Variants in XYLT1 observed in about 807,000 individuals in gnomAD.
XYLT1 encodes the protein beta-D-xylosyltransferase 1.
In XYLT1, 36 loss-of-function variants were observed where a neutral mutation model predicts 91.3. The observed-to-expected ratio is 0.39, with a 90% CI of 0.30 to 0.52. The LOEUF is 0.52. Among genes scored for constraint, XYLT1 ranks in the 20% least tolerant of loss-of-function variants. The pLI, the probability that XYLT1 is intolerant of heterozygous loss-of-function variation, is 0.68. For missense variants in XYLT1, 1,242 were observed against 1,284.5 expected, an observed-to-expected ratio of 0.97 and a Z score of 0.51; for synonymous variants, 588 against 532.0, an observed-to-expected ratio of 1.11 and a Z score of -1.45.
At chr16:17,469,876 C>G (rs1256445945) in intron 1 of XYLT1, among the ~76,000 whole-genome samples, 3 of 152,182 alleles carry the variant, frequency 2.0e-5, no homozygotes, top group East Asian at 3.9e-4. Context: ...AACAGAAGAC[C>G]CAAAGTAAGA....
chr16:17,351,346 C>G (rs7498909), intron 2 of XYLT1, among the ~76,000 whole-genome samples: 2 of 152,168 alleles, frequency 1.3e-5, no homozygotes, highest in South Asian at 2.1e-4. Flanking sequence ...AACTCCATTT[C>G]TACTAAAAAT....
chr16:17,420,686 G>T (rs1038478092), intron 1 of XYLT1, among the ~76,000 whole-genome samples: 11 of 108,006 alleles, frequency 1.0e-4, no homozygotes, highest in African/African-American at 1.9e-4. Flanking sequence ...TAATTATTCA[G>T]ATTTTTTTTT....
At chr16:17,324,997 T>C (rs2034777307) in intron 2 of XYLT1, among the ~76,000 whole-genome samples, 1 of 151,766 alleles carries the variant, frequency 6.6e-6, no homozygotes, top group South Asian at 2.1e-4. Flanking sequence ...TGGATGTTAT[T>C]TATTTATAAG....
intron 1 of XYLT1, among the ~76,000 whole-genome samples, chr16:17,428,563 CATA>C (rs1567199623): frequency 6.6e-6 from 1 of 152,176 alleles, no homozygotes; most frequent in East Asian, 1.9e-4. Flanking sequence ...TATTTACAGT[CATA>C]ATGATGATCA....
intron 9 of XYLT1, among the ~76,000 whole-genome samples, chr16:17,128,214 G>A (rs1189712837): frequency 1.3e-5 from 2 of 152,068 alleles, no homozygotes; most frequent in African/African-American, 2.4e-5. Flanking sequence ...ATTTCCCTTC[G>A]GCCTTATTTC....
At chr16:17,206,183 T>C (rs1293317922) in intron 3 of XYLT1, among the ~76,000 whole-genome samples, 2 of 152,110 alleles carry the variant, frequency 1.3e-5, no homozygotes, top group Non-Finnish European at 2.9e-5. Context: ...TGATTCATGA[T>C]CACAGATGAG....
chr16:17,327,361 C>CTT (rs138879762), intron 2 of XYLT1, among the ~76,000 whole-genome samples: 14 of 108,078 alleles, frequency 1.3e-4, no homozygotes, highest in South Asian at 5.7e-4. Flanking sequence ...TTTCTTTTTT[C>CTT]TTTTTTTTTT....
intron 1 of XYLT1, among the ~76,000 whole-genome samples, chr16:17,369,214 C>G (rs915164726): frequency 6.6e-6 from 1 of 150,714 alleles, no homozygotes; most frequent in Non-Finnish European, 1.5e-5. Context: ...ACTGCAACCT[C>G]CACCTCCCGG....
At chr16:17,161,068 G>A (rs901599457) in intron 5 of XYLT1, among the ~76,000 whole-genome samples, 5 of 152,148 alleles carry the variant, frequency 3.3e-5, no homozygotes, top group African/African-American at 1.2e-4. Flanking sequence ...GAAGGGGCCG[G>A]GCCGGGGCTC....
chr16:17,188,036 C>T (rs551128930), intron 5 of XYLT1, among the ~76,000 whole-genome samples: 1 of 152,120 alleles, frequency 6.6e-6, no homozygotes, highest in South Asian at 2.1e-4. Context: ...GTCCTGGTCC[C>T]CAAACAGAAG....
intron 2 of XYLT1, among the ~76,000 whole-genome samples, chr16:17,303,484 AT>A (rs1291444411): frequency 5.3e-5 from 8 of 152,362 alleles, no homozygotes; most frequent in African/African-American, 7.2e-5. Flanking sequence ...TTGTGAGCAT[AT>A]AAAAATGTTT....
intron 2 of XYLT1, among the ~76,000 whole-genome samples, chr16:17,351,749 T>TGAG (rs1555499397): frequency 7.4e-6 from 1 of 134,844 alleles, no homozygotes; most frequent in Non-Finnish European, 1.6e-5. Flanking sequence ...GCTTTTTTTT[T>TGAG]GGGGGGGGGT....
intron 1 of XYLT1, among the ~76,000 whole-genome samples, chr16:17,422,617 C>T (rs2036263714): frequency 6.6e-6 from 1 of 152,176 alleles, no homozygotes; most frequent in South Asian, 2.1e-4. Context: ...TCAAGCGATT[C>T]TCCTGTCAGC....
intron 3 of XYLT1, among the ~76,000 whole-genome samples, chr16:17,218,283 AAAC>A (rs973583588): frequency 3.3e-4 from 50 of 152,018 alleles, no homozygotes; most frequent in African/African-American, 1.2e-3. Flanking sequence ...CCAAAAAAAC[AAAC>A]AACAACAACA....
At chr16:17,196,785 A>G (rs1189403476) in intron 5 of XYLT1, among the ~76,000 whole-genome samples, 4 of 151,946 alleles carry the variant, frequency 2.6e-5, no homozygotes, top group Admixed American at 2.0e-4. Context: ...AGAGAAAATA[A>G]CAGCCTGGCA....
At chr16:17,229,557 G>A (rs1160093422) in intron 3 of XYLT1, among the ~76,000 whole-genome samples, 1 of 152,222 alleles carries the variant, frequency 6.6e-6, no homozygotes, top group Non-Finnish European at 1.5e-5. Context: ...AGGTCAATGA[G>A]AGAAGTAGGC....
chr16:17,209,189 A>T (rs1015289277), intron 3 of XYLT1, among the ~76,000 whole-genome samples: 1 of 152,202 alleles, frequency 6.6e-6, no homozygotes, highest in African/African-American at 2.4e-5. Context: ...GCTCCTGGAA[A>T]GCTTCATTCT....
At chr16:17,281,356 T>G (rs1464674998) in intron 2 of XYLT1, among the ~76,000 whole-genome samples, 1 of 152,180 alleles carries the variant, frequency 6.6e-6, no homozygotes, top group East Asian at 1.9e-4. Context: ...CCCGGGGTTG[T>G]GACACTGCTT....
At chr16:17,396,745 C>A (rs1157971837) in intron 1 of XYLT1, among the ~76,000 whole-genome samples, 3 of 152,116 alleles carry the variant, frequency 2.0e-5, no homozygotes, top group Admixed American at 2.0e-4. Flanking sequence ...GTGGCAGGTA[C>A]CTGTAATCCC....
Sources: allele counts gnomAD v4.1 joint callset (sites outside exome capture counted in the v4.1 genomes callset), GRCh38; gene constraint gnomAD v4.1.1; transcripts MANE v1.5; gene names NCBI Gene and HGNC (gene_info 2026-07-23, HGNC 2026-07-21).